Variants in LLGL2 observed in about 807,000 individuals in gnomAD.
The protein encoded by LLGL2 is LLGL2, scribble cell polarity complex component.
In LLGL2, 81 loss-of-function variants were observed where a neutral mutation model predicts 123.2. The observed-to-expected ratio is 0.66, with a 90% CI of 0.55 to 0.79. LLGL2 has a LOEUF of 0.79. Ranked by LOEUF, LLGL2 falls within the 30% of genes least tolerant of loss-of-function variation. The pLI is 0.00. For synonymous variants in LLGL2, 577 were observed against 594.1 expected, an observed-to-expected ratio of 0.97 and a Z score of 0.42; for missense variants, 1,273 against 1,414.6, an observed-to-expected ratio of 0.90 and a Z score of 1.61.
chr17:75,555,993 G>A, intron 2 of LLGL2, 53 bp from the exon 3 acceptor site: 1 of 1,413,476 alleles, frequency 7.1e-7, no homozygotes, highest in Non-Finnish European at 9.9e-7. Flanking sequence ...AGCAGCCATG[G>A]TGGCGCGAAG....
intron 19 of LLGL2, among the ~76,000 whole-genome samples, chr17:75,572,385 C>T (rs1230574921): frequency 6.6e-6 from 1 of 152,126 alleles, no homozygotes; most frequent in Non-Finnish European, 1.5e-5. Context: ...CGGCATGGGC[C>T]AGGCGCGGTG....
intron 2 of LLGL2, among the ~76,000 whole-genome samples, chr17:75,548,521 C>T (rs1335301500): frequency 3.9e-5 from 6 of 151,936 alleles, no homozygotes; most frequent in East Asian, 3.9e-4. Context: ...AAGAAGTGGC[C>T]GGGCGCCGTG....
chr17:75,545,583 T>C (rs572855826), intron 2 of LLGL2, among the ~76,000 whole-genome samples: 1 of 152,196 alleles, frequency 6.6e-6, no homozygotes, highest in Non-Finnish European at 1.5e-5. Flanking sequence ...GGATCCCGTC[T>C]GCCCTGCCCC....
chr17:75,562,787 C>A (rs887937861), intron 6 of LLGL2: 2 of 574,886 alleles, frequency 3.5e-6, no homozygotes, highest in Non-Finnish European at 6.2e-6. Flanking sequence ...CCAGGCTGCT[C>A]TCAAACTCCT....
At chr17:75,548,385 C>T (rs975847369) in intron 2 of LLGL2, among the ~76,000 whole-genome samples, 1 of 151,194 alleles carries the variant, frequency 6.6e-6, no homozygotes, top group African/African-American at 2.4e-5. Flanking sequence ...TCAAGGGATT[C>T]TCCAGCCTCA....
chr17:75,558,367 C>A lies in LLGL2; in HGVS notation c.255+131C>A. The A allele has an allele frequency of 8.7e-7, 1 of 1,155,952 alleles. No homozygotes were observed. The highest frequency in any genetic ancestry group is 1.2e-6 in the Non-Finnish European group (1 of 818,384). 71.6% of individuals were successfully genotyped at this position (1,155,952 alleles called of 1,614,324 possible). Reference sequence around the variant, plus strand: ...TGCTGCTGATGGAAAGACCTGGGACCCCCTCCCTTTCCACAGCTGGGGCTC... The same window carrying A: ...TGCTGCTGATGGAAAGACCTGGGACACCCTCCCTTTCCACAGCTGGGGCTC... On this transcript the variant is annotated intron_variant, in intron 4 of 25. Transcript: ENST00000392550. This position sits in a 1 kb window ranked among gnomAD's most constrained non-coding sequence, Gnocchi z 4.0.
At chr17:75,526,715 G>A (rs2053587761) in intron 1 of LLGL2, among the ~76,000 whole-genome samples, 1 of 152,136 alleles carries the variant, frequency 6.6e-6, no homozygotes, top group Non-Finnish European at 1.5e-5. Context: ...TGTAGTTCAA[G>A]AGAACCTTGA....
chr17:75,568,774 G>A lies in LLGL2; in HGVS notation c.1257G>A (p.Glu419=). The part of the protein sequence containing the change: ...SRQNAHFSTM[E]WPIDGGTSLT... The stretch of plus-strand genomic sequence containing the variant: ...GACTTCTTGGTCTCTTTTTCTAGGA[G>A]TGGCCAATTGATGGTGGCACCAGCC... Residue 419 remains glutamate (E), a splice_region_variant and synonymous_variant, in exon 12 of 26, where the codon GAG becomes GAA. Coordinates refer to ENST00000392550, the MANE Select transcript of LLGL2 (RefSeq NM_001031803.2). The A allele has an allele frequency of 6.2e-7, 1 of 1,607,024 alleles. No homozygotes were observed.
intron 23 of LLGL2, 88 bp from the exon 24 acceptor site, chr17:75,574,365 A>G: frequency 6.5e-7 from 1 of 1,533,342 alleles, no homozygotes; most frequent in Non-Finnish European, 8.8e-7. Flanking sequence ...GTACAGATCC[A>G]TGGGCACCCA....
intron 25 of LLGL2, 65 bp downstream of exon 25, chr17:75,574,733 G>A (rs75864371): frequency 0.081 from 129,279 of 1,594,754 alleles, 5,486 homozygotes; most frequent in Middle Eastern, 0.16. Context: ...GAAGAGCCCC[G>A]GCCCCACTCC....
At chr17:75,572,826 A>T (rs2055785476) in intron 19 of LLGL2, among the ~76,000 whole-genome samples, 188 bp from the exon 20 acceptor site, 1 of 125,012 alleles carries the variant, frequency 8.0e-6, no homozygotes, top group African/African-American at 3.0e-5. Flanking sequence ...TCTCGGAGGA[A>T]AAAAAAAAAA....
At position 75,574,822 on chromosome 17, in the gene LLGL2, A is replaced by G. The variant is rs1453768354; in HGVS notation, c.3056-49A>G. 3 of 1,611,252 alleles carry G rather than the reference A, an allele frequency of 1.9e-6. No individual in the cohort carries two copies. In the South Asian group the frequency reaches 3.3e-5, roughly 18 times the overall value. On this transcript the variant is annotated intron_variant, in intron 25 of 25. Transcript: ENST00000392550. Reference sequence around the variant, plus strand: ...TGGGCTCAGCGTGGGCGGCTGGGGCACCCCGTCCTGCCCAGGGTGATCTTG... The same window carrying G: ...TGGGCTCAGCGTGGGCGGCTGGGGCGCCCCGTCCTGCCCAGGGTGATCTTG...
chr17:75,567,988 C>T (rs533363736), intron 10 of LLGL2: 14 of 808,180 alleles, frequency 1.7e-5, no homozygotes, highest in African/African-American at 3.7e-5. Context: ...AATCATCCAG[C>T]GCACATTTAT....
chr17:75,536,085 A>C (rs2053991531), intron 1 of LLGL2, among the ~76,000 whole-genome samples: 1 of 152,254 alleles, frequency 6.6e-6, no homozygotes, highest in Non-Finnish European at 1.5e-5. Flanking sequence ...GCAGGGCAGA[A>C]CAGGGAGGGT....
chr17:75,556,258 C>T, intron 3 of LLGL2, 115 bp downstream of exon 3: 1 of 805,886 alleles, frequency 1.2e-6, no homozygotes, highest in Admixed American at 2.4e-5. Flanking sequence ...GAGGGACTTT[C>T]CTGATTTCCA....
At position 75,564,335 on chromosome 17, in the gene LLGL2, C is replaced by A. The variant is rs777640299; in HGVS notation, c.882-18C>A. On this transcript the variant is annotated intron_variant, in intron 9 of 25. Transcript: ENST00000392550. The surrounding 1 kb of genome is among the most constrained non-coding windows in gnomAD (Gnocchi z 4.9). ...TGCCAGGAGCCCCAGCCCACTGCCGCTCCTCTGTGCCTGCCAGGTTGCCCT... is the reference window on the plus strand; with the variant it reads ...TGCCAGGAGCCCCAGCCCACTGCCGATCCTCTGTGCCTGCCAGGTTGCCCT... 6.3e-7 allele frequency: 1 copy of A among 1,594,050 alleles called. No individual in the cohort carries two copies. The highest frequency in any genetic ancestry group is 1.1e-5 in the South Asian group (1 of 89,640).
chr17:75,571,867 A>G (rs1319991986), intron 18 of LLGL2, 31 bp from the exon 19 acceptor site: 1 of 1,608,742 alleles, frequency 6.2e-7, no homozygotes, highest in South Asian at 1.1e-5. Flanking sequence ...CCACCCCCTC[A>G]CCAGCCCCAA....
chr17:75,541,716 T>C (rs918680968), intron 1 of LLGL2, among the ~76,000 whole-genome samples: 40 of 11,636 alleles, frequency 3.4e-3, no homozygotes, highest in Admixed American at 7.3e-3. Flanking sequence ...GTGGCTCTGC[T>C]TTTTTTTTTT....
intron 2 of LLGL2, 108 bp from the exon 3 acceptor site, chr17:75,555,938 T>G (rs536615094): frequency 1.3e-6 from 1 of 791,050 alleles, no homozygotes; most frequent in Non-Finnish European, 2.1e-6. Flanking sequence ...ACCGGAAAGG[T>G]ACCGAAGCCC....
Sources: allele counts gnomAD v4.1 joint callset (sites outside exome capture counted in the v4.1 genomes callset), GRCh38; gene constraint gnomAD v4.1.1; non-coding constraint Gnocchi (gnomAD v3.1); transcripts MANE v1.5; gene names NCBI Gene and HGNC (gene_info 2026-07-23, HGNC 2026-07-21).